GPM6B: variants seen among roughly 807,000 people sequenced by gnomAD.
GPM6B encodes the protein glycoprotein M6B.
A neutral mutation model predicts 27.2 loss-of-function variants in GPM6B; 4 were observed. The observed-to-expected ratio is 0.15, with a 90% confidence interval of 0.07 to 0.34. The LOEUF is 0.34. Ranked by LOEUF, GPM6B falls within the 10% of genes least tolerant of loss-of-function variation. The pLI is 1.00. For missense variants in GPM6B, 183 were observed against 261.9 expected, an observed-to-expected ratio of 0.70 and a Z score of 2.08; for synonymous variants, 124 against 103.1, an observed-to-expected ratio of 1.20 and a Z score of -1.23.
rs2048297679 is a variant in GPM6B at position 13,771,467 on chromosome X, G to C, written c.*1414C>G. 9.0e-6 allele frequency: 1 copy of C among 111,298 alleles called. No individual in the cohort carries two copies. Among genetic ancestry groups the C allele is most frequent in the African/African-American group, 3.3e-5 (1 of 30,587 alleles). 9.2% of individuals were successfully genotyped at this position (111,298 alleles called of 1,213,427 possible). On this transcript the variant is annotated 3_prime_UTR_variant, in exon 8 of 8. Transcript: ENST00000316715. The stretch of plus-strand genomic sequence containing the variant: ...ATCCAAATGAAATATTATACTTGAT[G>C]TTCAATTTTAATAGCATCTTGATAA...
At chrX:13,835,287 A>G in intron 1 of GPM6B, among the ~76,000 whole-genome samples, 1 of 111,880 alleles carries the variant, frequency 8.9e-6, no homozygotes, top group Middle Eastern at 4.6e-3. Flanking sequence ...GATGAGTGGA[A>G]CCATGGGGGC....
In GPM6B at chrX:13,771,165, A is replaced by G. The variant is rs929348533; in HGVS notation, c.*1716T>C. On this transcript the variant is annotated 3_prime_UTR_variant, in exon 8 of 8. Transcript: ENST00000316715. ...CAAAATTTAATGCTCTTTACATAAA[A>G]AATATTAGACTACTTAAACAAAACT... The G allele has an allele frequency of 1.8e-5, 2 of 112,262 alleles. No homozygotes were observed. Among genetic ancestry groups the G allele is most frequent in the Non-Finnish European group, 3.8e-5 (2 of 53,114 alleles). 9.3% of individuals were successfully genotyped at this position (112,262 alleles called of 1,213,427 possible).
chrX:13,774,535 T>C, intron 7 of GPM6B: 1 of 1,206,245 alleles, frequency 8.3e-7, no homozygotes, highest in African/African-American at 1.7e-5. Context: ...CTAAAACTCC[T>C]TATGCAATTT....
At chrX:13,902,589 T>C (rs1464730515) in intron 1 of GPM6B, among the ~76,000 whole-genome samples, 1 of 111,007 alleles carries the variant, frequency 9.0e-6, no homozygotes, top group Non-Finnish European at 1.9e-5. Context: ...TCTTCTATTC[T>C]GCCACAACAG....
At chrX:13,845,464 T>C (rs1211663953) in intron 1 of GPM6B, among the ~76,000 whole-genome samples, 1 of 112,397 alleles carries the variant, frequency 8.9e-6, no homozygotes, top group African/African-American at 3.2e-5. Flanking sequence ...AAAATGCTTC[T>C]AATATACAGA....
At chrX:13,813,363 T>G (rs1200034194) in intron 1 of GPM6B, among the ~76,000 whole-genome samples, 2 of 111,774 alleles carry the variant, frequency 1.8e-5, no homozygotes, top group East Asian at 5.5e-4. Context: ...TTTAAATTCA[T>G]TTCTTACTTT....
intron 1 of GPM6B, among the ~76,000 whole-genome samples, chrX:13,879,029 A>G (rs745880032): frequency 1.2e-4 from 13 of 112,183 alleles, no homozygotes; most frequent in Non-Finnish European, 2.3e-4. Context: ...TCTGACCTCC[A>G]GGACTATAAC....
intron 1 of GPM6B, among the ~76,000 whole-genome samples, chrX:13,867,159 G>C (rs1167487441): frequency 9.0e-6 from 1 of 111,302 alleles, no homozygotes; most frequent in Non-Finnish European, 1.9e-5. Context: ...ACCCAGGCTG[G>C]AGTGCAGTGG....
intron 1 of GPM6B, among the ~76,000 whole-genome samples, chrX:13,902,480 A>G (rs146590595): frequency 9.0e-6 from 1 of 111,183 alleles, no homozygotes; most frequent in Admixed American, 9.6e-5. Flanking sequence ...CAGGGAGGGT[A>G]TTACTCTATT....
rs12008356 is a variant in GPM6B, at chrX:13,905,004, G to A, written c.-198+33323C>T. 6.6e-3 allele frequency among the ~76,000 whole-genome samples: 730 copies of A among 109,801 alleles called. 6 individuals carry two copies. The highest frequency in any genetic ancestry group is 0.022 in the African/African-American group (675 of 30,169). On this transcript the variant is annotated intron_variant, in intron 1 of 6. Coordinates refer to the GPM6B transcript ENST00000398361. ...AATCTCAGTACTTTGAGAGGCCAAG[G>A]CAGGAGGATTGCTTGAGCCCAGGAG...
chrX:13,877,658 C>CAA (rs199934310), intron 1 of GPM6B, among the ~76,000 whole-genome samples: 3 of 104,223 alleles, frequency 2.9e-5, no homozygotes, highest in Non-Finnish European at 3.9e-5. Context: ...CCCATCTTTA[C>CAA]AAAAAAAACC....
chrX:13,790,546 G>A (rs1002451178), intron 2 of GPM6B, among the ~76,000 whole-genome samples: 1 of 111,629 alleles, frequency 9.0e-6, no homozygotes, highest in Non-Finnish European at 1.9e-5. Context: ...CCGGTCTCAG[G>A]TGTGGCATCC....
intron 1 of GPM6B, among the ~76,000 whole-genome samples, chrX:13,916,334 C>A (rs1353015275): frequency 3.6e-5 from 4 of 112,025 alleles, no homozygotes; most frequent in Admixed American, 1.9e-4. Context: ...AAAGAAAAAA[C>A]CAACACAGAA....
chrX:13,892,116 C>T (rs2050194063), intron 1 of GPM6B, among the ~76,000 whole-genome samples: 1 of 111,741 alleles, frequency 8.9e-6, no homozygotes, highest in African/African-American at 3.3e-5. Flanking sequence ...AACATTTGAA[C>T]CTCCTGTCCA....
At chrX:13,818,192 C>G (rs771381029), upstream of GPM6B, among the ~76,000 whole-genome samples, 1 of 112,500 alleles carries the variant, frequency 8.9e-6, no homozygotes, top group Non-Finnish European at 1.9e-5. Context: ...GGCTGACCAA[C>G]TGGCCTTCGC....
chrX:13,928,849 G>A (rs1260237379), intron 1 of GPM6B, among the ~76,000 whole-genome samples: 1 of 112,036 alleles, frequency 8.9e-6, no homozygotes, highest in East Asian at 2.8e-4. Context: ...TGCAAGTATG[G>A]TCAGATGTCT....
chrX:13,933,976 A>C (rs1264914274), intron 1 of GPM6B, among the ~76,000 whole-genome samples: 1 of 111,599 alleles, frequency 9.0e-6, no homozygotes. Context: ...CAAAATGTTT[A>C]GGCTACATAA....
intron 5 of GPM6B, among the ~76,000 whole-genome samples, chrX:13,778,143 G>A (rs746959758): frequency 8.5e-5 from 9 of 106,386 alleles, no homozygotes; most frequent in African/African-American, 2.8e-4. Flanking sequence ...TCCACCTCCC[G>A]GGTTCAAGCA....
intron 1 of GPM6B, among the ~76,000 whole-genome samples, chrX:13,858,935 G>A (rs1165819161): frequency 8.9e-6 from 1 of 112,040 alleles, no homozygotes. Context: ...TGTGTATGAA[G>A]CGTGCTCAAT....
Sources: gnomAD v4.1 joint callset for allele counts (sites outside exome capture counted in the v4.1 genomes callset) on GRCh38, gnomAD v4.1.1 for gene constraint, MANE v1.5 for transcripts, NCBI Gene and HGNC (gene_info 2026-07-23, HGNC 2026-07-21) for gene names.